The following KCNK2 variants were observed in gnomAD, a reference collection of about 807,000 sequenced individuals.
KCNK2 encodes potassium two pore domain channel subfamily K member 2, also known as potassium channel subfamily K member 2.
A neutral mutation model predicts 40.5 loss-of-function variants in KCNK2; 21 were observed. The observed-to-expected ratio is 0.52, with a 90% CI of 0.37 to 0.75. The LOEUF (loss-of-function observed/expected upper bound fraction) is 0.75. KCNK2 is among the 30% of genes least tolerant of loss of function. KCNK2 has a pLI of 0.00. For synonymous variants in KCNK2, 191 were observed against 202.2 expected (o/e 0.94, Z 0.47); for missense variants, 399 against 531.6 (o/e 0.75, Z 2.45).
intron 1 of KCNK2, among the ~76,000 whole-genome samples, chr1:215,020,335 A>C (rs1184084140): frequency 2.0e-5 from 3 of 152,232 alleles, no homozygotes; most frequent in Non-Finnish European, 4.4e-5. Flanking sequence ...ATTGGTGATA[A>C]CACTTATTTT....
chr1:215,010,015 G>A (rs911766941), intron 1 of KCNK2, among the ~76,000 whole-genome samples: 1 of 152,124 alleles, frequency 6.6e-6, no homozygotes, highest in Non-Finnish European at 1.5e-5. Context: ...AATTAACAGT[G>A]ACAACATCAG....
At chr1:215,209,252 A>T (rs1031277034) in intron 6 of KCNK2, among the ~76,000 whole-genome samples, 12 of 120,290 alleles carry the variant, frequency 1.0e-4, no homozygotes, top group South Asian at 6.8e-4. Context: ...ATATACACAT[A>T]TCTTATATAT....
At chr1:215,123,087 A>G (rs1284702390) in intron 2 of KCNK2, among the ~76,000 whole-genome samples, 2 of 152,144 alleles carry the variant, frequency 1.3e-5, no homozygotes, top group Non-Finnish European at 2.9e-5. Context: ...ATTCCTAGCA[A>G]TCTCTCCTGG....
chr1:215,130,985 C>T (rs955302822), intron 3 of KCNK2, among the ~76,000 whole-genome samples: 4 of 151,260 alleles, frequency 2.6e-5, no homozygotes, highest in African/African-American at 7.2e-5. Flanking sequence ...CTCAGCCTCC[C>T]GAGTAGCTGG....
chr1:215,023,912 A>T (rs1420197388), intron 1 of KCNK2, among the ~76,000 whole-genome samples: 1 of 152,110 alleles, frequency 6.6e-6, no homozygotes, highest in Non-Finnish European at 1.5e-5. Flanking sequence ...GCTGCCTTTA[A>T]TGTTCTTGTC....
intron 1 of KCNK2, among the ~76,000 whole-genome samples, chr1:215,070,246 T>TA (rs11452009): frequency 0.94 from 141,270 of 149,756 alleles, 66,932 homozygotes; most frequent in Non-Finnish European, 0.99. Flanking sequence ...CCATCTCTGC[T>TA]AAAAAAAACA....
chr1:215,128,929 G>T (rs1661553546), intron 3 of KCNK2, among the ~76,000 whole-genome samples: 1 of 152,190 alleles, frequency 6.6e-6, no homozygotes, highest in Non-Finnish European at 1.5e-5. Flanking sequence ...TAATAAAAGT[G>T]AAGTAAAAGT....
chr1:215,066,285 T>C (rs1238337449), intron 1 of KCNK2, among the ~76,000 whole-genome samples: 1 of 152,124 alleles, frequency 6.6e-6, no homozygotes, highest in African/African-American at 2.4e-5. Flanking sequence ...ATAACTGATA[T>C]TCAATAATTT....
At chr1:215,092,604 C>T (rs1210080389) in intron 2 of KCNK2, among the ~76,000 whole-genome samples, 4 of 152,154 alleles carry the variant, frequency 2.6e-5, no homozygotes, top group Non-Finnish European at 5.9e-5. Context: ...CCAGGACACT[C>T]CTCTCTTGAA....
intron 5 of KCNK2, among the ~76,000 whole-genome samples, chr1:215,177,739 TA>T (rs1297194296): frequency 1.0e-3 from 75 of 72,902 alleles, no homozygotes; most frequent in Middle Eastern, 5.1e-3. Flanking sequence ...TATATATATA[TA>T]TTTTTTTTTT....
chr1:215,091,113 G>C (rs988019707), intron 2 of KCNK2, among the ~76,000 whole-genome samples: 1 of 152,160 alleles, frequency 6.6e-6, no homozygotes. Context: ...CTACGTGTTG[G>C]GGCCCTGAGG....
intron 2 of KCNK2, among the ~76,000 whole-genome samples, chr1:215,100,079 G>A (rs1571908324): frequency 6.6e-6 from 1 of 151,948 alleles, no homozygotes; most frequent in African/African-American, 2.4e-5. Flanking sequence ...TGTGAATAAA[G>A]AGGCACAGGT....
intron 1 of KCNK2, among the ~76,000 whole-genome samples, chr1:215,019,277 C>T (rs1656703643): frequency 6.6e-6 from 1 of 152,086 alleles, no homozygotes; most frequent in African/African-American, 2.4e-5. Context: ...TCGTTTTTAC[C>T]TTTTCTGATG....
intron 6 of KCNK2, among the ~76,000 whole-genome samples, chr1:215,201,102 C>T (rs915317157): frequency 6.6e-6 from 1 of 152,124 alleles, no homozygotes; most frequent in Non-Finnish European, 1.5e-5. Flanking sequence ...CCTGGAGTAA[C>T]ACCTTCACTT....
chr1:215,166,235 C>A (rs1282315987), intron 3 of KCNK2, among the ~76,000 whole-genome samples: 4 of 152,092 alleles, frequency 2.6e-5, no homozygotes, highest in Non-Finnish European at 4.4e-5. Context: ...ACTGACACAA[C>A]AGGAGTGGAT....
chr1:215,135,233 G>A (rs1661850772), intron 3 of KCNK2, among the ~76,000 whole-genome samples: 1 of 152,052 alleles, frequency 6.6e-6, no homozygotes, highest in South Asian at 2.1e-4. Context: ...GAAAACTTAG[G>A]TTCAGGGTTT....
chr1:215,214,834 TAAAAAATTG>T (rs1665892626), intron 6 of KCNK2, among the ~76,000 whole-genome samples: 1 of 151,544 alleles, frequency 6.6e-6, no homozygotes, highest in Non-Finnish European at 1.5e-5. Context: ...CTCAAAAAAA[TAAAAAATTG>T]AAAAACCAAA....
At chr1:215,213,115 G>A (rs1374642386) in intron 6 of KCNK2, among the ~76,000 whole-genome samples, 1 of 152,024 alleles carries the variant, frequency 6.6e-6, no homozygotes, top group Non-Finnish European at 1.5e-5. Flanking sequence ...CTATCCAAAT[G>A]GAAATGTTTT....
At chr1:215,167,793 A>G (rs1450109630) in intron 3 of KCNK2, among the ~76,000 whole-genome samples, 1 of 152,048 alleles carries the variant, frequency 6.6e-6, no homozygotes, top group Non-Finnish European at 1.5e-5. Context: ...TATAGTCAAC[A>G]GGATTATCAG....
Sources: gnomAD v4.1 joint callset for allele counts (sites outside exome capture counted in the v4.1 genomes callset) on GRCh38, gnomAD v4.1.1 for gene constraint, MANE v1.5 for transcripts, NCBI Gene and HGNC (gene_info 2026-07-23, HGNC 2026-07-21) for gene names.